STYXL1: variants seen among roughly 807,000 people sequenced by gnomAD.
STYXL1 encodes the protein serine/threonine/tyrosine interacting like 1.
Under a neutral mutation model 36.4 loss-of-function variants are expected in STYXL1, and 32 were observed. The ratio of observed to expected loss-of-function variants is 0.88; its 90% CI spans 0.66 to 1.18. The LOEUF (loss-of-function observed/expected upper bound fraction) is 1.18. Among genes scored for constraint, STYXL1 ranks in the 50% most tolerant of loss-of-function variants. The pLI, the probability that STYXL1 is intolerant of heterozygous loss-of-function variation, is 0.00. For missense variants in STYXL1, 354 were observed against 394.1 expected, an observed-to-expected ratio of 0.90 and a Z score of 0.86; for synonymous variants, 133 against 144.1, an observed-to-expected ratio of 0.92 and a Z score of 0.55.
At chr7:76,020,773 A>G (rs1217411347) in intron 4 of STYXL1, among the ~76,000 whole-genome samples, 1 of 151,630 alleles carries the variant, frequency 6.6e-6, no homozygotes, top group Non-Finnish European at 1.5e-5. Flanking sequence ...AGCCTCCCCA[A>G]GTGCTGGGAC....
intron 4 of STYXL1, among the ~76,000 whole-genome samples, chr7:76,015,534 C>T (rs1554573540): frequency 2.0e-5 from 3 of 152,128 alleles, no homozygotes; most frequent in Non-Finnish European, 2.9e-5. Flanking sequence ...CCTAAGGACA[C>T]GAAAGTGCTT....
At chr7:76,016,727 CA>C (rs1793424535) in intron 4 of STYXL1, among the ~76,000 whole-genome samples, 1 of 151,834 alleles carries the variant, frequency 6.6e-6, no homozygotes, top group Admixed American at 6.6e-5. Flanking sequence ...ATTAGAAAGC[CA>C]AAAAATAATA....
chr7:76,023,365 G>A (rs912819493), intron 3 of STYXL1, among the ~76,000 whole-genome samples: 3 of 151,954 alleles, frequency 2.0e-5, no homozygotes, highest in African/African-American at 7.3e-5. Flanking sequence ...CAGCGTTCTG[G>A]ATATTATTTT....
At chr7:76,037,079 C>T (rs1330441827) in intron 1 of STYXL1, among the ~76,000 whole-genome samples, 2 of 150,130 alleles carry the variant, frequency 1.3e-5, no homozygotes, top group Non-Finnish European at 3.0e-5. Context: ...CCACCGCACC[C>T]GGCCAGCTCT....
intron 2 of STYXL1, among the ~76,000 whole-genome samples, chr7:76,029,905 CCTGCTCACCTG>C (rs1457913811): frequency 1.3e-5 from 2 of 152,174 alleles, no homozygotes; most frequent in African/African-American, 4.8e-5. Flanking sequence ...TTCTGCTTCA[CCTGCTCACCTG>C]CTGCTCACCT....
At position 76,010,340 on chromosome 7, in the gene STYXL1, T is replaced by C. The variant is rs1200030659; in HGVS notation, c.453+3402A>G. ...TCTCAGTGGAAGAAAGGGATGTCTTTGGGAGCCAGGCATGCATACCCTGGA... is the reference window on the plus strand; with the variant it reads ...TCTCAGTGGAAGAAAGGGATGTCTTCGGGAGCCAGGCATGCATACCCTGGA... On this transcript the variant is annotated intron_variant, in intron 5 of 8. Coordinates refer to ENST00000359697, the MANE Select transcript of STYXL1 (RefSeq NM_001317785.2). Among the ~76,000 whole-genome samples the C allele has an allele frequency of 2.0e-5, 3 of 152,248 alleles. No homozygotes were observed. In the East Asian group the frequency reaches 5.8e-4, roughly 29 times the overall value.
intron 1 of STYXL1, among the ~76,000 whole-genome samples, chr7:76,034,268 A>AG (rs1795698379): frequency 7.3e-6 from 1 of 137,224 alleles, no homozygotes. Context: ...ATGGCCGGCT[A>AG]ATTTTTTTTT....
At chr7:76,017,166 G>A (rs995949133) in intron 4 of STYXL1, among the ~76,000 whole-genome samples, 3 of 152,010 alleles carry the variant, frequency 2.0e-5, no homozygotes, top group Non-Finnish European at 4.4e-5. Flanking sequence ...AGGATTACAG[G>A]CATGCACCAC....
At chr7:76,007,700 C>T (rs1791965109) in intron 5 of STYXL1, among the ~76,000 whole-genome samples, 1 of 151,774 alleles carries the variant, frequency 6.6e-6, no homozygotes. Context: ...GTGGGAGGAT[C>T]GCTTGAACCC....
In STYXL1 at chr7:76,029,481, T is replaced by G. The variant is rs367918444; in HGVS notation, c.104-778A>C. On this transcript the variant is annotated intron_variant, in intron 2 of 8. Transcript: ENST00000359697. The stretch of plus-strand genomic sequence containing the variant: ...CTTTCTAAAGCAGCGATCCCCAATC[T>G]TTTTGGCACCAGGGACTGGTTTCAT... Among the ~76,000 whole-genome samples the G allele has an allele frequency of 3.1e-4, 47 of 152,218 alleles. No individual in the cohort carries two copies. The East Asian group carries it at 7.9e-3, about 26-fold the overall frequency.
chr7:75,996,453 G>A lies in STYXL1; in HGVS notation c.*15C>T. The A allele has an allele frequency of 1.9e-6, 3 of 1,614,182 alleles. No individual in the cohort carries two copies. The stretch of plus-strand genomic sequence containing the variant: ...GTGAGGCTCTTCAGTACCCTTCGGT[G>A]GGCCTCGGAGAAGATCAGTAGAGCG... On this transcript the variant is annotated 3_prime_UTR_variant, in exon 9 of 9. Transcript: ENST00000359697.
At chr7:76,005,816 AGGAGGAGGAG>A (rs1554569989) in intron 5 of STYXL1, among the ~76,000 whole-genome samples, 1 of 147,156 alleles carries the variant, frequency 6.8e-6, no homozygotes, top group African/African-American at 2.5e-5. Context: ...AGAGAGAAGG[AGGAGGAGGAG>A]GAAGAGAGAG....
At chr7:76,004,613 G>C (rs1215931706) in intron 6 of STYXL1, among the ~76,000 whole-genome samples, 2 of 152,078 alleles carry the variant, frequency 1.3e-5, no homozygotes, top group Non-Finnish European at 2.9e-5. Flanking sequence ...GCTGAGGCAG[G>C]AGAATCACTT....
At chr7:76,028,389 T>C (rs1398624141) in intron 3 of STYXL1, among the ~76,000 whole-genome samples, 2 of 152,154 alleles carry the variant, frequency 1.3e-5, no homozygotes, top group African/African-American at 4.8e-5. Context: ...CACTCCAGCC[T>C]GGATGACAGA....
chr7:76,004,448 A>T (rs1563464695), intron 6 of STYXL1, among the ~76,000 whole-genome samples: 1 of 152,032 alleles, frequency 6.6e-6, no homozygotes. Flanking sequence ...TCACACCTGT[A>T]AACCCAGCAC....
At chr7:76,023,593 A>C (rs2098182) in intron 3 of STYXL1, among the ~76,000 whole-genome samples, 1 of 151,934 alleles carries the variant, frequency 6.6e-6, no homozygotes, top group South Asian at 2.1e-4. Flanking sequence ...CGGGTGTGGG[A>C]GGGTGCACAT....
At chr7:76,032,898 AG>A (rs1795526395) in intron 1 of STYXL1, among the ~76,000 whole-genome samples, 1 of 152,100 alleles carries the variant, frequency 6.6e-6, no homozygotes, top group African/African-American at 2.4e-5. Flanking sequence ...TGCTTGGAGC[AG>A]GGGCAAGTGC....
At position 76,013,791 on chromosome 7, in the gene STYXL1, G is replaced by A. The variant is rs1554572994; in HGVS notation, c.404C>T (p.Ser135Leu). 3 of 1,613,948 alleles carry A rather than the reference G, an allele frequency of 1.9e-6. No individual in the cohort carries two copies. In the East Asian group the frequency reaches 6.7e-5, roughly 36 times the overall value. The change falls in exon 5 of 9, where the codon TCA (serine) becomes TTA (leucine). Residue 135 changes from serine to leucine, a missense_variant. Coordinates refer to ENST00000359697, the MANE Select transcript of STYXL1 (RefSeq NM_001317785.2). ...YILKGGYERFSGTYHFLRTQK... is the reference protein window; with the variant it reads ...YILKGGYERFLGTYHFLRTQK... Reference sequence around the variant, plus strand: ...GGTCCGGAGAAAGTGGTACGTGCCTGAGAAGCGCTCATAGCCCCCTTTCAG... The same window carrying A: ...GGTCCGGAGAAAGTGGTACGTGCCTAAGAAGCGCTCATAGCCCCCTTTCAG...
At chr7:76,046,102 T>C (rs577351640) in intron 1 of STYXL1, 1 of 152,232 alleles carries the variant, frequency 6.6e-6, no homozygotes, top group East Asian at 1.9e-4. Context: ...AGGATTTTAT[T>C]TGGCCTTTTT....
Sources: allele counts gnomAD v4.1 joint callset (sites outside exome capture counted in the v4.1 genomes callset), GRCh38; gene constraint gnomAD v4.1.1; transcripts MANE v1.5; gene names NCBI Gene and HGNC (gene_info 2026-07-23, HGNC 2026-07-21).